The following KIF13A variants were observed in gnomAD, a reference collection of about 807,000 sequenced individuals.
The protein encoded by KIF13A is kinesin family member 13A.
KIF13A carries 79 observed loss-of-function variants against 212.2 expected under a neutral mutation model. The observed-to-expected ratio is 0.37, with a 90% confidence interval of 0.31 to 0.45. The LOEUF is 0.45. Ranked by LOEUF, KIF13A falls within the 20% of genes least tolerant of loss-of-function variation. The pLI is 1.00. For missense variants in KIF13A, 1,901 were observed against 2,209.0 expected, an observed-to-expected ratio of 0.86 and a Z score of 2.79; for synonymous variants, 789 against 808.6, an observed-to-expected ratio of 0.98 and a Z score of 0.41.
Position 17,926,722 on chromosome 6 carries a change from G to A in KIF13A, c.147-28542C>T, listed in dbSNP as rs976840545. Among the ~76,000 whole-genome samples, 11 of 152,126 alleles carry A rather than the reference G, an allele frequency of 7.2e-5. No homozygotes were observed. The highest frequency in any genetic ancestry group is 1.5e-4 in the Non-Finnish European group (10 of 68,022). On this transcript the variant is annotated intron_variant, in intron 2 of 38. Coordinates refer to ENST00000259711, the MANE Select transcript of KIF13A (RefSeq NM_022113.6). This position sits in a 1 kb window ranked among gnomAD's most constrained non-coding sequence, Gnocchi z 4.3. ...ATAATCTCAGAGTGTAATAAGTGGA[G>A]AATGTTTAAGTATATTAGGATATAT...
At position 17,919,130 on chromosome 6, in the gene KIF13A, T is replaced by C. The variant is rs1774812694; in HGVS notation, c.147-20950A>G. On this transcript the variant is annotated intron_variant, in intron 2 of 38. Coordinates refer to ENST00000259711, the MANE Select transcript of KIF13A (RefSeq NM_022113.6). The surrounding 1 kb of genome is among the most constrained non-coding windows in gnomAD (Gnocchi z 4.1). ...ATGTTTCCCTGAATAACTCCACTCT[T>C]TGGATTGAAGACCAAGTAAACATAC... Among the ~76,000 whole-genome samples, 2 of 152,216 alleles carry C rather than the reference T, an allele frequency of 1.3e-5. No homozygotes were observed. Among genetic ancestry groups the C allele is most frequent in the African/African-American group, 4.8e-5 (2 of 41,468 alleles).
At chr6:17,760,836 G>C, downstream of KIF13A, 1 of 1,613,348 alleles carries the variant, frequency 6.2e-7, no homozygotes, top group South Asian at 1.1e-5. Context: ...GCTGTGGCCT[G>C]AGGAGGGGTG....
At chr6:17,928,686 AAAGT>A (rs557558114) in intron 2 of KIF13A, among the ~76,000 whole-genome samples, 169 of 152,322 alleles carry the variant, frequency 1.1e-3, no homozygotes, top group African/African-American at 3.9e-3. Flanking sequence ...AGAACACCAC[AAAGT>A]AAGAAACTGT....
chr6:17,837,827 C>T lies in KIF13A; in HGVS notation c.831-244G>A, dbSNP rs192368579. On this transcript the variant is annotated intron_variant, in intron 9 of 38. Transcript: ENST00000259711. This position sits in a 1 kb window ranked among gnomAD's most constrained non-coding sequence, Gnocchi z 5.4. ...AATTAGCTGGGCGTGGTGGCAGGTG[C>T]CTGTAATCCCAGCTACTTGGGAGGC... 5.8e-3 allele frequency among the ~76,000 whole-genome samples: 880 copies of T among 152,058 alleles called. 8 individuals are homozygous for T. Among genetic ancestry groups the T allele is most frequent in the African/African-American group, 0.02 (834 of 41,470 alleles).
At chr6:17,976,499 C>T (rs1437056751) in intron 2 of KIF13A, among the ~76,000 whole-genome samples, 2 of 152,236 alleles carry the variant, frequency 1.3e-5, no homozygotes, top group Non-Finnish European at 2.9e-5. Context: ...CCCGCCAAGC[C>T]CACGCCCACC....
In KIF13A at chr6:17,918,162, C is replaced by A. The variant is rs1235048214; in HGVS notation, c.147-19982G>T. Reference sequence around the variant, plus strand: ...CCCCACACCAGGCACATGGTAAGCACCTGGCCTGGCTAGAGACACCCATCT... The same window carrying A: ...CCCCACACCAGGCACATGGTAAGCAACTGGCCTGGCTAGAGACACCCATCT... On this transcript the variant is annotated intron_variant, in intron 2 of 38. Coordinates refer to ENST00000259711, the MANE Select transcript of KIF13A (RefSeq NM_022113.6). This position sits in a 1 kb window ranked among gnomAD's most constrained non-coding sequence, Gnocchi z 4.8. Among the ~76,000 whole-genome samples the A allele has an allele frequency of 6.6e-6, 1 of 152,064 alleles. No individual in the cohort carries two copies. Among genetic ancestry groups the A allele is most frequent in the Non-Finnish European group, 1.5e-5 (1 of 68,026 alleles).
intron 2 of KIF13A, among the ~76,000 whole-genome samples, chr6:17,941,067 C>G (rs368886582): frequency 6.6e-6 from 1 of 152,052 alleles, no homozygotes; most frequent in African/African-American, 2.4e-5. Flanking sequence ...TCAGGTGATC[C>G]GCCTGCCTGG....
intron 4 of KIF13A, among the ~76,000 whole-genome samples, chr6:17,858,515 A>C (rs568792533): frequency 6.6e-6 from 1 of 152,340 alleles, no homozygotes; most frequent in South Asian, 2.1e-4. Context: ...TCTTTCATAC[A>C]CATTAATATT....
chr6:17,899,946 T>G lies in KIF13A; in HGVS notation c.147-1766A>C, dbSNP rs1772906784. ...GGAAGACAATTCAGGAAGGCCTCAGTTCTAAGAAGGTAGAACAATAATAAA... is the reference window on the plus strand; with the variant it reads ...GGAAGACAATTCAGGAAGGCCTCAGGTCTAAGAAGGTAGAACAATAATAAA... On this transcript the variant is annotated intron_variant, in intron 2 of 38. Transcript: ENST00000259711. The surrounding 1 kb of genome is among the most constrained non-coding windows in gnomAD (Gnocchi z 5.2). Among the ~76,000 whole-genome samples the G allele has an allele frequency of 1.3e-5, 2 of 152,340 alleles. No individual in the cohort carries two copies. Among genetic ancestry groups the G allele is most frequent in the South Asian group, 4.1e-4 (2 of 4,826 alleles).
intron 3 of KIF13A, chr6:17,882,162 T>C (rs1448316335): frequency 2.3e-6 from 1 of 436,106 alleles, no homozygotes; most frequent in Non-Finnish European, 4.7e-6. Context: ...CCTTTCGAGT[T>C]GTGTGCTTTC....
At chr6:17,818,396 G>A (rs1764137985) in intron 16 of KIF13A, among the ~76,000 whole-genome samples, 2 of 152,086 alleles carry the variant, frequency 1.3e-5, no homozygotes, top group South Asian at 2.1e-4. Context: ...CTAACAACTT[G>A]TAAAATACAC....
intron 16 of KIF13A, among the ~76,000 whole-genome samples, chr6:17,820,416 G>A (rs1033453855): frequency 1.3e-5 from 2 of 152,054 alleles, no homozygotes; most frequent in African/African-American, 2.4e-5. Flanking sequence ...CCTTTCTCAC[G>A]GACAACTTTG....
In KIF13A at chr6:17,809,490, C is replaced by T. The variant is rs1371499902; in HGVS notation, c.2001-560G>A. Among the ~76,000 whole-genome samples the T allele has an allele frequency of 6.6e-6, 1 of 152,188 alleles. No homozygotes were observed. The highest frequency in any genetic ancestry group is 2.4e-5 in the African/African-American group (1 of 41,434). On this transcript the variant is annotated intron_variant, in intron 17 of 38. Coordinates refer to ENST00000259711, the MANE Select transcript of KIF13A (RefSeq NM_022113.6). This position sits in a 1 kb window ranked among gnomAD's most constrained non-coding sequence, Gnocchi z 4.7. ...AAAACCCTCTTATATGTTCTCTCAG[C>T]CCCATGCCTTTAGCCTCCATAGCAT...
At chr6:17,833,418 C>T (rs555960568) in intron 12 of KIF13A, among the ~76,000 whole-genome samples, 13 of 150,744 alleles carry the variant, frequency 8.6e-5, no homozygotes, top group South Asian at 4.2e-4. Flanking sequence ...ATCACTTGAG[C>T]CCAGGATGTT....
rs34056148 is a variant in KIF13A at position 17,814,249 on chromosome 6, C to CTT, written c.2000+2769_2000+2770dup. On this transcript the variant is annotated intron_variant, in intron 17 of 38. Transcript: ENST00000259711. ...TACAGGCATGAGCTACAGTGCCCGG[C>CTT]TTTTTTTTTTTTTTTTTTTGAGACA... 4.1e-3 allele frequency among the ~76,000 whole-genome samples: 368 copies of CTT among 89,528 alleles called. 10 individuals are homozygous for CTT. Among genetic ancestry groups the CTT allele is most frequent in the Middle Eastern group, 0.014 (1 of 72 alleles). The allele number at this position is 89,528 out of a possible 152,430, so 58.7% of individuals were successfully genotyped here.
chr6:17,839,855 C>T lies in KIF13A; in HGVS notation c.831-2272G>A, dbSNP rs1318522129. Among the ~76,000 whole-genome samples, 3 of 152,166 alleles carry T rather than the reference C, an allele frequency of 2.0e-5. No individual in the cohort carries two copies. Among genetic ancestry groups the T allele is most frequent in the Admixed American group, 1.3e-4 (2 of 15,262 alleles). ...GCATGGAACAGATTCTCCCTCTGAC[C>T]TGCTAAGAGGGAACAAACCCTGCTG... On this transcript the variant is annotated intron_variant, in intron 9 of 38. Coordinates refer to ENST00000259711, the MANE Select transcript of KIF13A (RefSeq NM_022113.6). This position sits in a 1 kb window ranked among gnomAD's most constrained non-coding sequence, Gnocchi z 4.3.
intron 2 of KIF13A, among the ~76,000 whole-genome samples, chr6:17,938,077 T>C (rs1776637567): frequency 1.3e-5 from 2 of 150,914 alleles, no homozygotes; most frequent in African/African-American, 4.9e-5. Flanking sequence ...ATTTTTTTTG[T>C]AGAGATGGGG....
intron 23 of KIF13A, 122 bp downstream of exon 23, chr6:17,796,543 CTTTT>C: frequency 6.3e-6 from 3 of 473,510 alleles, no homozygotes; most frequent in East Asian, 8.5e-5. Flanking sequence ...CCTGGCCATT[CTTTT>C]TTTTTTTTTT....
At chr6:17,969,604 G>A (rs1779626438) in intron 2 of KIF13A, among the ~76,000 whole-genome samples, 1 of 152,190 alleles carries the variant, frequency 6.6e-6, no homozygotes, top group East Asian at 1.9e-4. Flanking sequence ...CCATACTTAT[G>A]CTGGGGACTC....
Sources: allele counts gnomAD v4.1 joint callset (sites outside exome capture counted in the v4.1 genomes callset), GRCh38; gene constraint gnomAD v4.1.1; non-coding constraint Gnocchi (gnomAD v3.1); transcripts MANE v1.5; gene names NCBI Gene and HGNC (gene_info 2026-07-23, HGNC 2026-07-21).